Variants in KLC2 observed in about 807,000 individuals in gnomAD.
KLC2 encodes the protein KLC 2.
A neutral mutation model predicts 75.1 loss-of-function variants in KLC2; 35 were observed. The observed-to-expected ratio is 0.47, with a 90% CI of 0.36 to 0.62. KLC2 has a LOEUF of 0.62. Ranked by LOEUF, KLC2 falls within the 20% of genes least tolerant of loss-of-function variation. KLC2 has a pLI of 0.00. For missense variants in KLC2, 611 were observed against 833.2 expected (o/e 0.73, Z 3.28); for synonymous variants, 314 against 336.7 (o/e 0.93, Z 0.74).
At position 66,266,986 on chromosome 11, in the gene KLC2, C is replaced by T; in HGVS notation, c.*30C>T. The stretch of plus-strand genomic sequence containing the variant: ...GAAGGGGCAGCCAGTCACCAGAGCG[C>T]CCACCTGGCACACCCCCCTCACCCC... On this transcript the variant is annotated 3_prime_UTR_variant, in exon 16 of 16. Transcript: ENST00000394067. 6.2e-7 allele frequency: 1 copy of T among 1,609,050 alleles called. No homozygotes were observed. The highest frequency in any genetic ancestry group is 8.5e-7 in the Non-Finnish European group (1 of 1,179,906).
chr11:66,265,721 C>T lies in KLC2; in HGVS notation c.1401C>T (p.Ala467=), dbSNP rs991860275. Residue 467 remains alanine (A), a synonymous_variant, in exon 12 of 16, where the codon GCC becomes GCT. Transcript: ENST00000394067. ...ACCGGCGCCAGGGCAAGCTGGAAGC[C>T]GCGCACACACTAGAGGACTGTGCCA... is the stretch of plus-strand genomic sequence containing the variant. ...ALYRRQGKLE[A]AHTLEDCASR... 5.0e-6 allele frequency: 8 copies of T among 1,613,846 alleles called. No individual in the cohort carries two copies. The highest frequency in any genetic ancestry group is 4.5e-5 in the East Asian group (2 of 44,880).
intron 2 of KLC2, chr11:66,260,943 C>G (rs1387104738): frequency 6.6e-6 from 1 of 151,938 alleles, no homozygotes; most frequent in African/African-American, 2.4e-5. Context: ...CCCGTAGTCC[C>G]AGTTACTCAG....
At chr11:66,263,786 AT>A (rs764358702) in intron 6 of KLC2, 39 bp downstream of exon 6, 1 of 1,602,922 alleles carries the variant, frequency 6.2e-7, no homozygotes, top group South Asian at 1.1e-5. Flanking sequence ...GCTGTGCCCC[AT>A]CCCCTGCAGG....
the KLC2 span, among the ~76,000 whole-genome samples, chr11:66,247,819 T>C: frequency 3.9e-5 from 6 of 152,226 alleles, no homozygotes; most frequent in Non-Finnish European, 8.8e-5. Flanking sequence ...CTCTTGCTGC[T>C]GGAATTGGGT....
chr11:66,244,537 C>G, the KLC2 span: 4 of 152,402 alleles, frequency 2.6e-5, no homozygotes, highest in Admixed American at 2.6e-4. Flanking sequence ...CTTGTCCTCT[C>G]ACTCCTTCCC....
At chr11:66,256,345 G>A (rs1190856012), upstream of KLC2, among the ~76,000 whole-genome samples, 1 of 152,124 alleles carries the variant, frequency 6.6e-6, no homozygotes, top group Non-Finnish European at 1.5e-5. Context: ...GTTACAGGCT[G>A]GGCCGAGGCC....
At chr11:66,264,304 C>A in intron 8 of KLC2, 41 bp from the exon 9 acceptor site, 1 of 1,582,900 alleles carries the variant, frequency 6.3e-7, no homozygotes, top group Non-Finnish European at 8.6e-7. Context: ...AAAGGCTTGG[C>A]TGCATGCATC....
Position 66,267,254 on chromosome 11 carries a change from A to T in KLC2, c.*298A>T. On this transcript the variant is annotated 3_prime_UTR_variant, in exon 16 of 16. Transcript: ENST00000394067. ...AGACTCAGTGGCCTGGCCTCCCCAG[A>T]CCCCAGAGCCAAGAACACTAAGCAC... 7.2e-7 allele frequency: 1 copy of T among 1,390,570 alleles called. No homozygotes were observed. Among genetic ancestry groups the T allele is most frequent in the Non-Finnish European group, 1.0e-6 (1 of 1,001,410 alleles). The allele number at this position is 1,390,570 out of a possible 1,614,324, so 86.1% of individuals were successfully genotyped here. A position where few individuals can be genotyped will look rare whatever the true frequency, so the allele number is the denominator to read the frequency against.
chr11:66,262,692 G>C (rs1856519349), intron 4 of KLC2, 122 bp from the exon 5 acceptor site: 8 of 708,396 alleles, frequency 1.1e-5, no homozygotes, highest in Non-Finnish European at 1.5e-5. Context: ...GGGAAACTGA[G>C]AAAGAGTGGT....
intron 15 of KLC2, 190 bp from the exon 16 acceptor site, chr11:66,266,683 T>C: frequency 2.4e-6 from 2 of 842,586 alleles, no homozygotes; most frequent in Non-Finnish European, 4.0e-6. Context: ...AAACGGCCAG[T>C]GCTAACACCG....
chr11:66,266,591 C>T (rs1856844187), intron 15 of KLC2, 101 bp downstream of exon 15: 1 of 1,260,820 alleles, frequency 7.9e-7, no homozygotes, highest in East Asian at 2.3e-5. Flanking sequence ...AGCAACAGTT[C>T]CTGGCTCTGT....
the KLC2 span, among the ~76,000 whole-genome samples, chr11:66,248,344 G>A: frequency 3.3e-5 from 5 of 152,170 alleles, no homozygotes; most frequent in Non-Finnish European, 7.3e-5. Context: ...TTTTGGCCGG[G>A]CACGGTGGTT....
intron 5 of KLC2, 33 bp from the exon 6 acceptor site, chr11:66,263,627 G>A (rs1276225577): frequency 5.4e-6 from 8 of 1,494,552 alleles, no homozygotes; most frequent in Middle Eastern, 1.8e-4. Flanking sequence ...TGAGCTGGAG[G>A]ACAGCCCTGA....
the KLC2 span, among the ~76,000 whole-genome samples, chr11:66,252,273 T>C: frequency 6.7e-6 from 1 of 148,588 alleles, no homozygotes; most frequent in Non-Finnish European, 1.5e-5. Context: ...TAAGCCTTTA[T>C]GCCTTTTTTG....
At chr11:66,265,402 C>T (rs1856752459) in intron 11 of KLC2, 167 bp downstream of exon 11, 1 of 714,582 alleles carries the variant, frequency 1.4e-6, no homozygotes. Flanking sequence ...GCCTAATTCT[C>T]TGGCTCTGGG....
At chr11:66,266,263 C>T (rs375470877) in intron 14 of KLC2, 46 bp downstream of exon 14, 13 of 1,563,916 alleles carry the variant, frequency 8.3e-6, no homozygotes, top group African/African-American at 2.7e-5. Context: ...CCAGCAACCC[C>T]GGATGAGCTC....
chr11:66,258,853 G>A, intron 2 of KLC2, 31 bp downstream of exon 2: 1 of 1,462,518 alleles, frequency 6.8e-7, no homozygotes, highest in Non-Finnish European at 9.5e-7. Context: ...GAGGTGGGAG[G>A]TCACTGGAGG....
At chr11:66,265,372 GCT>G in intron 11 of KLC2, 137 bp downstream of exon 11, 1 of 776,308 alleles carries the variant, frequency 1.3e-6, no homozygotes, top group Non-Finnish European at 2.1e-6. Flanking sequence ...TCCCAAGAAG[GCT>G]CTGTCTCCCA....
rs1243699979 is a variant in KLC2, at chr11:66,263,731, G to A, written c.824G>A (p.Gly275Asp). The A allele has an allele frequency of 1.2e-6, 2 of 1,613,874 alleles. No individual in the cohort carries two copies. Among genetic ancestry groups the A allele is most frequent in the South Asian group, 1.1e-5 (1 of 91,072 alleles). ...CTGGCCATCCGGGAGAAAACACTGG[G>A]CAAGGACCACCCAGCCGTGAGTGAG... ...DALAIREKTLGKDHPAVAATL... is the reference protein window; with the variant it reads ...DALAIREKTLDKDHPAVAATL... The change falls in exon 6 of 16, where the codon GGC (glycine) becomes GAC (aspartate). Residue 275 changes from glycine (G) to aspartate (D), a missense_variant. Physicochemically the swap from Gly to Asp is moderately conservative, Grantham distance 94. Transcript: ENST00000394067.
Sources: gnomAD v4.1 joint callset for allele counts (sites outside exome capture counted in the v4.1 genomes callset) on GRCh38, gnomAD v4.1.1 for gene constraint, MANE v1.5 for transcripts, NCBI Gene and HGNC (gene_info 2026-07-23, HGNC 2026-07-21) for gene names.